Variants in ENTPD7 observed in about 807,000 individuals in gnomAD.
The protein encoded by ENTPD7 is ectonucleoside triphosphate diphosphohydrolase 7.
Under a neutral mutation model 77.9 loss-of-function variants are expected in ENTPD7, and 53 were observed. The observed-to-expected ratio is 0.68, with a 90% confidence interval of 0.55 to 0.85. ENTPD7 has a LOEUF of 0.85. ENTPD7 is among the 40% of genes least tolerant of loss of function. The pLI is 0.00. For synonymous variants in ENTPD7, 248 were observed against 274.9 expected, an observed-to-expected ratio of 0.90 and a Z score of 0.97; for missense variants, 636 against 743.7, an observed-to-expected ratio of 0.86 and a Z score of 1.68.
At position 99,709,247 on chromosome 10, in the gene ENTPD7, G is replaced by A. The variant is rs2036311962; in HGVS notation, c.*4564G>A. 3.0e-6 allele frequency: 3 copies of A among 985,142 alleles called. No individual in the cohort carries two copies. Among genetic ancestry groups the A allele is most frequent in the Non-Finnish European group, 3.6e-6 (3 of 829,724 alleles). The allele number at this position is 985,142 out of a possible 1,614,324, so 61.0% of individuals were successfully genotyped here. A position where few individuals can be genotyped will look rare whatever the true frequency, so the allele number is the denominator to read the frequency against. On this transcript the variant is annotated 3_prime_UTR_variant, in exon 13 of 13. Transcript: ENST00000370489. ...TTCCAGACTCTGTTACAGAAACAGA[G>A]GGCTGTTTCTTTTTGTTGTCTTTAA...
chr10:99,678,374 A>G (rs1387300591), intron 3 of ENTPD7, among the ~76,000 whole-genome samples: 1 of 151,970 alleles, frequency 6.6e-6, no homozygotes, highest in Non-Finnish European at 1.5e-5. Context: ...AGGCTGAGGC[A>G]GGAGAATGGC....
Position 99,709,632 on chromosome 10 carries a change from C to G in ENTPD7, c.*4949C>G. On this transcript the variant is annotated 3_prime_UTR_variant, in exon 13 of 13. Coordinates refer to ENST00000370489, the MANE Select transcript of ENTPD7 (RefSeq NM_020354.5). ...TGTTCTTGGCTCATTCTCTCATAAC[C>G]TGGATCTAAGTTGGAAAGCTGTGGC... 1 of 985,364 alleles carries G rather than the reference C, an allele frequency of 1.0e-6. No individual in the cohort carries two copies. The highest frequency in any genetic ancestry group is 4.7e-5 in the South Asian group (1 of 21,282). The allele number at this position is 985,364 out of a possible 1,614,324, so 61.0% of individuals were successfully genotyped here.
At position 99,704,561 on chromosome 10, in the gene ENTPD7, A is replaced by G. The variant is rs774126376; in HGVS notation, c.1693A>G (p.Ile565Val). 2 of 1,614,108 alleles carry G rather than the reference A, an allele frequency of 1.2e-6. No homozygotes were observed. Among genetic ancestry groups the G allele is most frequent in the Non-Finnish European group, 8.5e-7 (1 of 1,180,008 alleles). ...FACILVVLLA[I>V]FLYLLRLRRI... ...CTGTATCCTGGTGGTGCTACTGGCC[A>G]TCTTCCTATACCTTCTGCGGCTACG... Residue 565 changes from isoleucine to valine, a missense_variant, in exon 13 of 13, where the codon ATC (isoleucine) becomes GTC (valine). Physicochemically the swap from Ile to Val is conservative, Grantham distance 29 (BLOSUM62 3). This residue lies in a region of ENTPD7 where 138 missense variants were observed against 150.9 expected (regional missense o/e 0.91). Transcript: ENST00000370489.
chr10:99,679,080 T>G (rs555464318), intron 3 of ENTPD7, among the ~76,000 whole-genome samples, 181 bp from the exon 4 acceptor site: 1 of 152,124 alleles, frequency 6.6e-6, no homozygotes, highest in African/African-American at 2.4e-5. Flanking sequence ...GTGAACCAGC[T>G]ATTGTCTCAA....
At chr10:99,676,475 G>A (rs1166990307) in intron 3 of ENTPD7, among the ~76,000 whole-genome samples, 2 of 152,190 alleles carry the variant, frequency 1.3e-5, no homozygotes, top group African/African-American at 4.8e-5. Flanking sequence ...GAGACAAGCA[G>A]AGTGGGTGGT....
In ENTPD7 at chr10:99,709,772, T is replaced by C; in HGVS notation, c.*5089T>C. On this transcript the variant is annotated 3_prime_UTR_variant, in exon 13 of 13. Transcript: ENST00000370489. The stretch of plus-strand genomic sequence containing the variant: ...TTCCTTATATCCTAATAGACTTCTC[T>C]TGTGTTATTACACATTTCTCTTTTG... 1 of 985,362 alleles carries C rather than the reference T, an allele frequency of 1.0e-6. No individual in the cohort carries two copies. Among genetic ancestry groups the C allele is most frequent in the Non-Finnish European group, 1.2e-6 (1 of 829,862 alleles). The allele number at this position is 985,362 out of a possible 1,614,324, so 61.0% of individuals were successfully genotyped here. A position where few individuals can be genotyped will look rare whatever the true frequency, so the allele number is the denominator to read the frequency against.
intron 3 of ENTPD7, among the ~76,000 whole-genome samples, chr10:99,664,099 G>A (rs1463449834): frequency 6.6e-6 from 1 of 151,946 alleles, no homozygotes; most frequent in Admixed American, 6.6e-5. Context: ...TAGTACATCT[G>A]AATTATTTTA....
At chr10:99,702,197 A>T (rs1203989508) in intron 11 of ENTPD7, among the ~76,000 whole-genome samples, 1 of 152,036 alleles carries the variant, frequency 6.6e-6, no homozygotes, top group Non-Finnish European at 1.5e-5. Flanking sequence ...TCCCCCTCTT[A>T]CTTCAACTGG....
chr10:99,699,105 C>G lies in ENTPD7; in HGVS notation c.1335+247C>G, dbSNP rs563166590. On this transcript the variant is annotated intron_variant, in intron 10 of 12. Coordinates refer to ENST00000370489, the MANE Select transcript of ENTPD7 (RefSeq NM_020354.5). ...ATGTCATACCACCCAAATTATTACCCAGGCATAAAATTTTTGTGTTGGCTA... is the reference window on the plus strand; with the variant it reads ...ATGTCATACCACCCAAATTATTACCGAGGCATAAAATTTTTGTGTTGGCTA... Among the ~76,000 whole-genome samples, 6 of 152,292 alleles carry G rather than the reference C, an allele frequency of 3.9e-5. No individual in the cohort carries two copies. The East Asian group carries it at 9.6e-4, about 24-fold the overall frequency.
intron 5 of ENTPD7, among the ~76,000 whole-genome samples, chr10:99,685,072 A>T (rs1035844534): frequency 4.6e-5 from 7 of 152,320 alleles, no homozygotes; most frequent in Non-Finnish European, 2.9e-5. Context: ...AGCCTGACTA[A>T]CATGGTGCAA....
intron 5 of ENTPD7, among the ~76,000 whole-genome samples, chr10:99,685,251 C>G (rs1389122534): frequency 6.6e-6 from 1 of 152,124 alleles, no homozygotes; most frequent in Non-Finnish European, 1.5e-5. Context: ...GAGTGAAACT[C>G]CGTCTCAAAA....
chr10:99,700,921 A>C, intron 10 of ENTPD7, 52 bp from the exon 11 acceptor site: 1 of 1,431,408 alleles, frequency 7.0e-7, no homozygotes, highest in Non-Finnish European at 9.9e-7. Context: ...TGGGGAAGGT[A>C]GAGAGTTTGC....
Position 99,708,944 on chromosome 10 carries a change from G to A in ENTPD7, c.*4261G>A, listed in dbSNP as rs938718256. On this transcript the variant is annotated 3_prime_UTR_variant, in exon 13 of 13. Transcript: ENST00000370489. ...CTAACCATGCCCCATCTTTACAACTGCTTCTGACATTCATTTATGACTGCT... is the reference window on the plus strand; with the variant it reads ...CTAACCATGCCCCATCTTTACAACTACTTCTGACATTCATTTATGACTGCT... 1.0e-6 allele frequency: 1 copy of A among 985,174 alleles called. No individual in the cohort carries two copies. Among genetic ancestry groups the A allele is most frequent in the African/African-American group, 1.7e-5 (1 of 57,188 alleles). The allele number at this position is 985,174 out of a possible 1,614,324, so 61.0% of individuals were successfully genotyped here.
chr10:99,700,445 T>TGTG (rs2036095928), intron 10 of ENTPD7, among the ~76,000 whole-genome samples: 1 of 148,236 alleles, frequency 6.7e-6, no homozygotes, highest in Non-Finnish European at 1.5e-5. Context: ...TGTGTGTGTG[T>TGTG]TTATTGTCTG....
chr10:99,704,319 T>C, intron 12 of ENTPD7, 133 bp from the exon 13 acceptor site: 2 of 863,836 alleles, frequency 2.3e-6, no homozygotes, highest in Non-Finnish European at 3.6e-6. Flanking sequence ...GCCTGCTCTG[T>C]GGAGCTGGTG....
In ENTPD7 at chr10:99,706,337, T is replaced by C. The variant is rs1395423347; in HGVS notation, c.*1654T>C. 2.1e-5 allele frequency: 1 copy of C among 47,588 alleles called. No homozygotes were observed. The highest frequency in any genetic ancestry group is 3.0e-4 in the East Asian group (1 of 3,350). The allele number at this position is 47,588 out of a possible 1,614,324, so 2.9% of individuals were successfully genotyped here. A position where few individuals can be genotyped will look rare whatever the true frequency, so the allele number is the denominator to read the frequency against. ...ATTAAGCATGCAAAGACTCTGTTCCTTTTTTTTTTTCTTGGAGACAGGGCC... is the reference window on the plus strand; with the variant it reads ...ATTAAGCATGCAAAGACTCTGTTCCCTTTTTTTTTTCTTGGAGACAGGGCC... On this transcript the variant is annotated 3_prime_UTR_variant, in exon 13 of 13. Transcript: ENST00000370489.
chr10:99,660,415 A>G, intron 2 of ENTPD7: 2 of 1,104,346 alleles, frequency 1.8e-6, no homozygotes, highest in Non-Finnish European at 2.4e-6. Flanking sequence ...AAAAATATTA[A>G]TGTGGATCTA....
In ENTPD7 at chr10:99,710,176, A is replaced by C. The variant is rs1014357916; in HGVS notation, c.*5493A>C. ...TCCAAGGCAGCCCTGGTACTTTCCT[A>C]AGTGGCCCCTCCTACAGAGCACTTG... On this transcript the variant is annotated 3_prime_UTR_variant, in exon 13 of 13. Coordinates refer to ENST00000370489, the MANE Select transcript of ENTPD7 (RefSeq NM_020354.5). 1 of 985,184 alleles carries C rather than the reference A, an allele frequency of 1.0e-6. No individual in the cohort carries two copies. Among genetic ancestry groups the C allele is most frequent in the African/African-American group, 1.7e-5 (1 of 57,206 alleles). The allele number at this position is 985,184 out of a possible 1,614,324, so 61.0% of individuals were successfully genotyped here. A position where few individuals can be genotyped will look rare whatever the true frequency, so the allele number is the denominator to read the frequency against.
rs928193032 is a variant in ENTPD7 at position 99,685,873 on chromosome 10, A to G, written c.630A>G (p.Glu210=). The change falls in exon 6 of 13, where the codon GAA becomes GAG. Residue 210 remains glutamate (E), a synonymous_variant. Transcript: ENST00000370489. ...FDFLFSQSQA[E]VISGKQEGVY... ...TCCTCTTTTCACAGTCTCAAGCAGA[A>G]GTGATCTCTGGGAAGCAGGAAGGTA... 1 of 1,613,724 alleles carries G rather than the reference A, an allele frequency of 6.2e-7. No individual in the cohort carries two copies. The highest frequency in any genetic ancestry group is 8.5e-7 in the Non-Finnish European group (1 of 1,179,780).
Sources: gnomAD v4.1 joint callset for allele counts (sites outside exome capture counted in the v4.1 genomes callset) on GRCh38, gnomAD v4.1.1 for gene constraint, gnomAD v4.1.1 regional missense constraint, MANE v1.5 for transcripts, NCBI Gene and HGNC (gene_info 2026-07-23, HGNC 2026-07-21) for gene names.